DLGAP2: variants seen among roughly 807,000 people sequenced by gnomAD.
DLGAP2 encodes DLG associated protein 2.
Under a neutral mutation model 100.3 loss-of-function variants are expected in DLGAP2, and 26 were observed. The observed-to-expected ratio is 0.26, with a 90% CI of 0.19 to 0.36. The LOEUF (loss-of-function observed/expected upper bound fraction) is 0.36. Ranked by LOEUF, DLGAP2 falls within the 10% of genes least tolerant of loss-of-function variation. The probability of loss-of-function intolerance (pLI) is 1.00; values close to 1 mark genes in which losing one functional copy is unlikely to be tolerated. For synonymous variants in DLGAP2, 886 were observed against 630.1 expected (o/e 1.41, Z -6.08); for missense variants, 1,858 against 1,453.2 (o/e 1.28, Z -4.53).
chr8:888,195 A>G (rs946552883), intron 1 of DLGAP2, among the ~76,000 whole-genome samples: 1 of 152,166 alleles, frequency 6.6e-6, no homozygotes, highest in Non-Finnish European at 1.5e-5. Context: ...ATACTTGTGT[A>G]TGCTTCATGA....
chr8:954,127 A>C (rs183820094), intron 2 of DLGAP2, among the ~76,000 whole-genome samples: 1 of 151,882 alleles, frequency 6.6e-6, no homozygotes, highest in African/African-American at 2.4e-5. Context: ...GCTCCCAGGA[A>C]AAGGTTGTCC....
intron 8 of DLGAP2, among the ~76,000 whole-genome samples, chr8:1,655,916 G>A (rs528898273): frequency 6.6e-6 from 1 of 152,360 alleles, no homozygotes; most frequent in Admixed American, 6.5e-5. Flanking sequence ...GACGTTCCAC[G>A]CTTAGGCAGG....
chr8:1,376,363 G>A (rs548347196), intron 3 of DLGAP2, among the ~76,000 whole-genome samples: 2 of 152,196 alleles, frequency 1.3e-5, no homozygotes, highest in Non-Finnish European at 2.9e-5. Context: ...AGAGAGCATC[G>A]GCCACGGGGG....
At chr8:1,428,301 G>T (rs1426273741) in intron 3 of DLGAP2, among the ~76,000 whole-genome samples, 1 of 152,006 alleles carries the variant, frequency 6.6e-6, no homozygotes, top group African/African-American at 2.4e-5. Flanking sequence ...TAAAAAGCTA[G>T]ATAAAAAGGA....
rs181379121 is a variant in DLGAP2, at chr8:1,265,012, G to T, written c.106+6129G>T. On this transcript the variant is annotated intron_variant, in intron 3 of 14. Coordinates refer to ENST00000637795, the MANE Select transcript of DLGAP2 (RefSeq NM_001346810.2). ...TTTGCCTTCCACCATGATTGTGAGG[G>T]CTCCCCAGCCAAGTGGAAATCTGAG... 2.8e-4 allele frequency among the ~76,000 whole-genome samples: 43 copies of T among 152,256 alleles called. 1 individual carries two copies. The highest frequency in any genetic ancestry group is 1.8e-3 in the Admixed American group (28 of 15,290).
rs145088745 is a variant in DLGAP2, at chr8:1,223,777, G to A, written c.74-35074G>A. ...AGGGAAGTGGGATAATCAACCTGTC[G>A]GAATCTCAAGGATAAAAACAATTGA... On this transcript the variant is annotated intron_variant, in intron 2 of 14. Coordinates refer to ENST00000637795, the MANE Select transcript of DLGAP2 (RefSeq NM_001346810.2). 6.6e-5 allele frequency among the ~76,000 whole-genome samples: 10 copies of A among 152,178 alleles called. No individual in the cohort carries two copies. The South Asian group carries it at 1.7e-3, about 25-fold the overall frequency.
intron 3 of DLGAP2, among the ~76,000 whole-genome samples, chr8:1,452,341 G>C (rs1453411341): frequency 6.6e-6 from 1 of 152,246 alleles, no homozygotes; most frequent in Non-Finnish European, 1.5e-5. Context: ...GCACAGGACA[G>C]AGGTGACTGT....
intron 3 of DLGAP2, among the ~76,000 whole-genome samples, chr8:1,481,471 CTTTTTTTTTTT>C (rs1165790168): frequency 1.1e-4 from 5 of 43,668 alleles, no homozygotes; most frequent in South Asian, 2.6e-3. Context: ...TTTTCTTTTT[CTTTTTTTTTTT>C]TTTTTTTTTT....
At chr8:1,201,192 C>G (rs961810690) in intron 2 of DLGAP2, among the ~76,000 whole-genome samples, 3 of 152,182 alleles carry the variant, frequency 2.0e-5, no homozygotes, top group Non-Finnish European at 4.4e-5. Context: ...AGCCCCTTGT[C>G]CATCAGGGTT....
chr8:1,456,897 T>C (rs534042249), intron 3 of DLGAP2, among the ~76,000 whole-genome samples: 140 of 49,874 alleles, frequency 2.8e-3, no homozygotes, highest in African/African-American at 0.011. Flanking sequence ...GTGATGCCGA[T>C]GAGCCCGGTG....
chr8:1,303,375 C>G (rs896351432), intron 3 of DLGAP2, among the ~76,000 whole-genome samples: 2 of 137,202 alleles, frequency 1.5e-5, no homozygotes, highest in African/African-American at 5.5e-5. Flanking sequence ...CCAGCCTGGG[C>G]GACAGAGCGA....
At chr8:1,683,585 T>G (rs947171505) in intron 12 of DLGAP2, among the ~76,000 whole-genome samples, 4 of 149,838 alleles carry the variant, frequency 2.7e-5, no homozygotes, top group Admixed American at 2.0e-4. Context: ...CCACAGACAG[T>G]GCCTCACACA....
At chr8:1,139,911 T>G (rs1301934875) in intron 2 of DLGAP2, among the ~76,000 whole-genome samples, 1 of 152,130 alleles carries the variant, frequency 6.6e-6, no homozygotes, top group African/African-American at 2.4e-5. Context: ...TGAGGGGATT[T>G]CCCTGAGGTC....
intron 10 of DLGAP2, 85 bp from the exon 11 acceptor site, chr8:1,676,448 C>T (rs1798812705): frequency 7.1e-6 from 10 of 1,406,244 alleles, no homozygotes; most frequent in Non-Finnish European, 9.8e-6. Flanking sequence ...TAATTAATTA[C>T]AGCAAATCCA....
chr8:1,355,862 T>G (rs915505110), intron 3 of DLGAP2, among the ~76,000 whole-genome samples: 3 of 152,246 alleles, frequency 2.0e-5, no homozygotes, highest in African/African-American at 7.2e-5. Flanking sequence ...CCTTCACTCC[T>G]ACCCTAGGGT....
At chr8:1,259,251 G>C (rs1279779401) in intron 3 of DLGAP2, among the ~76,000 whole-genome samples, 4 of 152,232 alleles carry the variant, frequency 2.6e-5, no homozygotes, top group African/African-American at 9.6e-5. Flanking sequence ...AGTCGGATCT[G>C]GGAAGCCCTT....
rs1349894056 is a variant in DLGAP2 at position 1,037,688 on chromosome 8, G to A, written c.73+129722G>A. ...CCCTTGCTGGGTTCTTGTCCTTATC[G>A]GGAAGAAGTTTAACCAAAGAGGAAC... On this transcript the variant is annotated intron_variant, in intron 2 of 14. Coordinates refer to ENST00000637795, the MANE Select transcript of DLGAP2 (RefSeq NM_001346810.2). Among the ~76,000 whole-genome samples the A allele has an allele frequency of 2.0e-5, 3 of 152,300 alleles. No individual in the cohort carries two copies. The South Asian group carries it at 6.2e-4, about 32-fold the overall frequency.
At chr8:1,359,059 G>A (rs1186443710) in intron 3 of DLGAP2, among the ~76,000 whole-genome samples, 1 of 152,192 alleles carries the variant, frequency 6.6e-6, no homozygotes, top group Non-Finnish European at 1.5e-5. Flanking sequence ...GTCGGGGTGG[G>A]GCCCACGATT....
At chr8:1,362,425 C>G (rs1802002936) in intron 3 of DLGAP2, among the ~76,000 whole-genome samples, 1 of 150,836 alleles carries the variant, frequency 6.6e-6, no homozygotes, top group Admixed American at 6.6e-5. Flanking sequence ...CGTCACAGCG[C>G]CCTCGGGAGG....
Sources: allele counts gnomAD v4.1 joint callset (sites outside exome capture counted in the v4.1 genomes callset), GRCh38; gene constraint gnomAD v4.1.1; transcripts MANE v1.5; gene names NCBI Gene and HGNC (gene_info 2026-07-23, HGNC 2026-07-21).